The following TMEM131 variants were observed in gnomAD, a reference collection of about 807,000 sequenced individuals.
TMEM131 encodes transmembrane protein 131.
TMEM131 carries 66 observed loss-of-function variants against 211.6 expected under a neutral mutation model. The ratio of observed to expected loss-of-function variants is 0.31; its 90% CI spans 0.26 to 0.38. TMEM131 has a LOEUF of 0.38. Among genes scored for constraint, TMEM131 ranks in the 10% least tolerant of loss-of-function variants. TMEM131 has a pLI of 1.00. For synonymous variants in TMEM131, 844 were observed against 841.3 expected, an observed-to-expected ratio of 1.00 and a Z score of -0.06; for missense variants, 2,036 against 2,299.3, an observed-to-expected ratio of 0.89 and a Z score of 2.34.
At chr2:97,802,587 T>C in intron 23 of TMEM131, 50 bp from the exon 24 acceptor site, 1 of 1,602,668 alleles carries the variant, frequency 6.2e-7, no homozygotes, top group Non-Finnish European at 8.5e-7. Flanking sequence ...TAGTTAAAGC[T>C]AAGAGTAAAT....
At chr2:97,840,425 G>A (rs571488662) in intron 7 of TMEM131, among the ~76,000 whole-genome samples, 64 of 152,178 alleles carry the variant, frequency 4.2e-4, no homozygotes, top group African/African-American at 1.0e-3. Context: ...TCATGCAGTC[G>A]GGTCTAACGG....
chr2:97,946,089 T>C (rs1678024012), intron 1 of TMEM131, among the ~76,000 whole-genome samples: 1 of 152,120 alleles, frequency 6.6e-6, no homozygotes, highest in African/African-American at 2.4e-5. Flanking sequence ...ACAGCTATTG[T>C]GCAGGGATTT....
At chr2:97,978,426 G>A (rs1443229803) in intron 1 of TMEM131, among the ~76,000 whole-genome samples, 1 of 152,110 alleles carries the variant, frequency 6.6e-6, no homozygotes, top group African/African-American at 2.4e-5. Context: ...TCTTCAGGAT[G>A]CCAGCCACTC....
At chr2:97,937,092 C>T (rs1471849284) in intron 1 of TMEM131, among the ~76,000 whole-genome samples, 1 of 152,044 alleles carries the variant, frequency 6.6e-6, no homozygotes, top group Admixed American at 6.6e-5. Context: ...GTAATGGTCC[C>T]TGAGGACAGG....
intron 10 of TMEM131, among the ~76,000 whole-genome samples, chr2:97,833,727 G>A (rs891691878): frequency 1.3e-5 from 2 of 150,626 alleles, no homozygotes; most frequent in Admixed American, 6.6e-5. Flanking sequence ...GGGCATTCTT[G>A]GCTCACTGCA....
chr2:97,965,351 T>C lies in TMEM131; in HGVS notation c.187+30125A>G, dbSNP rs1224311649. Among the ~76,000 whole-genome samples the C allele has an allele frequency of 3.9e-5, 6 of 152,288 alleles. No homozygotes were observed. In the South Asian group the frequency reaches 1.0e-3, roughly 26 times the overall value. On this transcript the variant is annotated intron_variant, in intron 1 of 40. Transcript: ENST00000186436. Reference sequence around the variant, plus strand: ...AACAAAGAGCTTGTAAACCAATAAATTGGGTGGAGGCTGAGAGTTCCGGGC... The same window carrying C: ...AACAAAGAGCTTGTAAACCAATAAACTGGGTGGAGGCTGAGAGTTCCGGGC...
chr2:97,800,198 C>T (rs1680962340), intron 25 of TMEM131, among the ~76,000 whole-genome samples: 1 of 152,040 alleles, frequency 6.6e-6, no homozygotes, highest in Non-Finnish European at 1.5e-5. Flanking sequence ...GTCCTGAGAC[C>T]AAGTATTTTG....
At chr2:97,828,589 A>G (rs574064429) in intron 11 of TMEM131, among the ~76,000 whole-genome samples, 1 of 152,340 alleles carries the variant, frequency 6.6e-6, no homozygotes, top group South Asian at 2.1e-4. Context: ...AATGAAATCT[A>G]TCCTTACTCT....
intron 3 of TMEM131, among the ~76,000 whole-genome samples, chr2:97,896,926 T>G (rs1183814916): frequency 1.3e-5 from 2 of 152,090 alleles, no homozygotes; most frequent in African/African-American, 4.8e-5. Flanking sequence ...AAAACTGATC[T>G]GGGGAGAATT....
chr2:97,995,004 G>A (rs1042264423), intron 1 of TMEM131, among the ~76,000 whole-genome samples: 1 of 152,202 alleles, frequency 6.6e-6, no homozygotes, highest in Non-Finnish European at 1.5e-5. Context: ...GACACTAAAG[G>A]AGGAAGCTAC....
At chr2:97,910,397 GAA>G (rs1676247153) in intron 2 of TMEM131, among the ~76,000 whole-genome samples, 1 of 152,090 alleles carries the variant, frequency 6.6e-6, no homozygotes, top group South Asian at 2.1e-4. Context: ...CTAAAGAACT[GAA>G]AACAGGGGCT....
intron 11 of TMEM131, among the ~76,000 whole-genome samples, chr2:97,822,637 G>C (rs920413514): frequency 7.2e-5 from 11 of 152,114 alleles, no homozygotes; most frequent in South Asian, 2.1e-4. Flanking sequence ...AGAATGTGTT[G>C]GTAAGGGCCA....
At chr2:97,760,364 G>A (rs1678760897) in intron 38 of TMEM131, 4 of 565,126 alleles carry the variant, frequency 7.1e-6, no homozygotes, top group Non-Finnish European at 9.5e-6. Context: ...GGCTGAGACA[G>A]GCATGGGTGC....
chr2:97,839,312 A>AAACCAACC (rs56114114), intron 7 of TMEM131, among the ~76,000 whole-genome samples: 5 of 148,448 alleles, frequency 3.4e-5, no homozygotes, highest in East Asian at 2.0e-4. Context: ...GGTGTCTGGA[A>AAACCAACC]AACCAACCAA....
At chr2:97,929,697 C>G (rs1335793222) in intron 1 of TMEM131, among the ~76,000 whole-genome samples, 5 of 151,816 alleles carry the variant, frequency 3.3e-5, no homozygotes, top group Admixed American at 1.3e-4. Context: ...CAGTGCCAAC[C>G]TGCTCCACTT....
chr2:97,918,021 A>G (rs1676583246), intron 2 of TMEM131, among the ~76,000 whole-genome samples: 1 of 150,876 alleles, frequency 6.6e-6, no homozygotes, highest in Admixed American at 6.6e-5. Flanking sequence ...ATCTCGGCTC[A>G]CTACAACCTC....
At chr2:97,830,098 T>C (rs1051332670) in intron 11 of TMEM131, among the ~76,000 whole-genome samples, 1 of 113,504 alleles carries the variant, frequency 8.8e-6, no homozygotes, top group Non-Finnish European at 1.7e-5. Context: ...TCATGTTTTA[T>C]ACAAATGGTC....
At chr2:97,763,563 G>A (rs1056246482) in intron 35 of TMEM131, 1 of 152,564 alleles carries the variant, frequency 6.6e-6, no homozygotes, top group African/African-American at 2.4e-5. Flanking sequence ...TCCCCATCAA[G>A]CTCCTCTGAG....
rs57606185 is a variant in TMEM131, at chr2:97,981,028, C to CAAAAAAAAAAAAAAAAAAAAAA, written c.187+14426_187+14447dup. The stretch of plus-strand genomic sequence containing the variant: ...TGCTGAAACTCACAGAACTACACAC[C>CAAAAAAAAAAAAAAAAAAAAAA]AAAAAAAAAAAAAAAAAAAAAAAAA... On this transcript the variant is annotated intron_variant, in intron 1 of 40. Transcript: ENST00000186436. Among the ~76,000 whole-genome samples the CAAAAAAAAAAAAAAAAAAAAAA allele has an allele frequency of 1.2e-3, 44 of 37,970 alleles. 8 individuals carry two copies. Among genetic ancestry groups the CAAAAAAAAAAAAAAAAAAAAAA allele is most frequent in the Non-Finnish European group, 1.2e-3 (26 of 21,682 alleles). 24.9% of individuals were successfully genotyped at this position (37,970 alleles called of 152,430 possible).
Sources: gnomAD v4.1 joint callset for allele counts (sites outside exome capture counted in the v4.1 genomes callset) on GRCh38, gnomAD v4.1.1 for gene constraint, MANE v1.5 for transcripts, NCBI Gene and HGNC (gene_info 2026-07-23, HGNC 2026-07-21) for gene names.